The following NMNAT2 variants were observed in gnomAD, a reference collection of about 807,000 sequenced individuals.
NMNAT2 encodes nicotinamide nucleotide adenylyltransferase 2.
Under a neutral mutation model 41.6 loss-of-function variants are expected in NMNAT2, and 11 were observed. The observed-to-expected ratio is 0.26, with a 90% CI of 0.17 to 0.44. The LOEUF (loss-of-function observed/expected upper bound fraction) is 0.44. Among genes scored for constraint, NMNAT2 ranks in the 20% least tolerant of loss-of-function variants. NMNAT2 has a pLI of 1.00. For synonymous variants in NMNAT2, 148 were observed against 151.2 expected, an observed-to-expected ratio of 0.98 and a Z score of 0.16; for missense variants, 288 against 407.7, an observed-to-expected ratio of 0.71 and a Z score of 2.53.
intron 1 of NMNAT2, among the ~76,000 whole-genome samples, chr1:183,326,855 T>C (rs1431635185): frequency 2.0e-5 from 3 of 151,992 alleles, no homozygotes; most frequent in Non-Finnish European, 1.5e-5. Flanking sequence ...GGCTGAAACT[T>C]TGACTCTGAG....
intron 1 of NMNAT2, among the ~76,000 whole-genome samples, chr1:183,360,626 C>T (rs914857346): frequency 5.3e-5 from 8 of 152,144 alleles, no homozygotes; most frequent in Non-Finnish European, 8.8e-5. Context: ...TCTGCCAGGT[C>T]ATCTATTAAG....
chr1:183,249,807 A>G lies in NMNAT2; in HGVS notation c.*2834T>C, dbSNP rs984571229. ...AAGATTCACTTTCTTTTTATATTAA[A>G]TAGGAAACCTGTTTTTAGTACAGTG... On this transcript the variant is annotated 3_prime_UTR_variant, in exon 11 of 11. Coordinates refer to ENST00000287713, the MANE Select transcript of NMNAT2 (RefSeq NM_015039.4). The G allele has an allele frequency of 1.1e-4, 16 of 152,034 alleles. No homozygotes were observed. Among genetic ancestry groups the G allele is most frequent in the African/African-American group, 3.6e-4 (15 of 41,350 alleles). 9.4% of individuals were successfully genotyped at this position (152,034 alleles called of 1,614,324 possible).
intron 1 of NMNAT2, among the ~76,000 whole-genome samples, chr1:183,406,611 A>T (rs549550084): frequency 6.6e-6 from 1 of 152,358 alleles, no homozygotes; most frequent in Middle Eastern, 3.4e-3. Flanking sequence ...CTATCTGCAC[A>T]ATTTTGAAAT....
intron 8 of NMNAT2, among the ~76,000 whole-genome samples, chr1:183,276,657 G>C (rs545592346): frequency 5.3e-5 from 8 of 152,334 alleles, no homozygotes; most frequent in East Asian, 1.9e-4. Context: ...TGCTGACCTC[G>C]TCCCTCTAAA....
At chr1:183,318,460 T>A (rs552564595) in intron 1 of NMNAT2, among the ~76,000 whole-genome samples, 1 of 152,244 alleles carries the variant, frequency 6.6e-6, no homozygotes, top group African/African-American at 2.4e-5. Flanking sequence ...CTCTGCAAGA[T>A]TTTTTCCTGG....
chr1:183,260,379 A>T (rs1558107893), intron 10 of NMNAT2, among the ~76,000 whole-genome samples: 5 of 152,044 alleles, frequency 3.3e-5, no homozygotes, highest in South Asian at 2.1e-4. Context: ...GAATATTGGA[A>T]TTTTTTTTGT....
chr1:183,402,890 A>G (rs1231094620), intron 1 of NMNAT2, among the ~76,000 whole-genome samples: 3 of 88,906 alleles, frequency 3.4e-5, no homozygotes, highest in African/African-American at 1.0e-4. Flanking sequence ...TAATCTCTAC[A>G]GATTGGACTT....
chr1:183,417,938 C>T (rs1349920643), intron 1 of NMNAT2, among the ~76,000 whole-genome samples: 1 of 152,142 alleles, frequency 6.6e-6, no homozygotes, highest in East Asian at 1.9e-4. Flanking sequence ...TCTCTAGTCC[C>T]CTCCCATCCC....
chr1:183,308,182 C>G (rs555498897), intron 1 of NMNAT2, among the ~76,000 whole-genome samples: 8 of 152,218 alleles, frequency 5.3e-5, no homozygotes, highest in Admixed American at 2.0e-4. Flanking sequence ...CTCAACTGAC[C>G]CAGAGGTATG....
chr1:183,291,760 G>A (rs930478610), intron 3 of NMNAT2, among the ~76,000 whole-genome samples: 3 of 152,144 alleles, frequency 2.0e-5, no homozygotes, highest in Admixed American at 2.0e-4. Flanking sequence ...TCTTGCCTAC[G>A]GGTGTATCAA....
At chr1:183,411,038 T>C (rs1256236310) in intron 1 of NMNAT2, among the ~76,000 whole-genome samples, 1 of 152,066 alleles carries the variant, frequency 6.6e-6, no homozygotes, top group African/African-American at 2.4e-5. Flanking sequence ...TTCTCTATTC[T>C]GTCCACTTGG....
intron 1 of NMNAT2, among the ~76,000 whole-genome samples, chr1:183,377,881 A>G (rs1454127511): frequency 6.6e-6 from 1 of 152,244 alleles, no homozygotes; most frequent in Non-Finnish European, 1.5e-5. Context: ...CAAGGATCAG[A>G]TAGGTAATTT....
At chr1:183,364,488 G>A (rs573167039) in intron 1 of NMNAT2, among the ~76,000 whole-genome samples, 4 of 152,304 alleles carry the variant, frequency 2.6e-5, no homozygotes, top group African/African-American at 9.6e-5. Context: ...TTTGGAGAAG[G>A]AAACCAGCAG....
At chr1:183,286,910 G>C in intron 4 of NMNAT2, 122 bp from the exon 5 acceptor site, 1 of 1,055,964 alleles carries the variant, frequency 9.5e-7, no homozygotes, top group Non-Finnish European at 1.3e-6. Context: ...GAAGAGCCCT[G>C]GGGATGGGTT....
At chr1:183,410,186 G>A (rs1225128805) in intron 1 of NMNAT2, among the ~76,000 whole-genome samples, 1 of 150,916 alleles carries the variant, frequency 6.6e-6, no homozygotes, top group South Asian at 2.1e-4. Context: ...AGCCGGGCAT[G>A]ATGGCGGGTG....
intron 8 of NMNAT2, among the ~76,000 whole-genome samples, chr1:183,277,961 TATGTGTG>T (rs1454535198): frequency 6.6e-6 from 1 of 152,140 alleles, no homozygotes; most frequent in African/African-American, 2.4e-5. Context: ...AGAACGAACG[TATGTGTG>T]AAGAGTGAGT....
At chr1:183,360,349 G>A (rs1170643757) in intron 1 of NMNAT2, among the ~76,000 whole-genome samples, 3 of 151,982 alleles carry the variant, frequency 2.0e-5, no homozygotes, top group South Asian at 2.1e-4. Context: ...CTACACCCCC[G>A]AGGGTAAGAT....
intron 10 of NMNAT2, among the ~76,000 whole-genome samples, chr1:183,253,948 T>G (rs1031322773): frequency 6.6e-6 from 1 of 150,408 alleles, no homozygotes; most frequent in African/African-American, 2.5e-5. Flanking sequence ...TGTGTGTATG[T>G]GTGTGTGTAA....
intron 1 of NMNAT2, among the ~76,000 whole-genome samples, chr1:183,359,295 A>G (rs1478346518): frequency 6.6e-6 from 1 of 152,178 alleles, no homozygotes; most frequent in East Asian, 1.9e-4. Context: ...CATAACAGAC[A>G]TATTTCGCTG....
Sources: gnomAD v4.1 joint callset for allele counts (sites outside exome capture counted in the v4.1 genomes callset) on GRCh38, gnomAD v4.1.1 for gene constraint, MANE v1.5 for transcripts, NCBI Gene and HGNC (gene_info 2026-07-23, HGNC 2026-07-21) for gene names.